The following RAB5IF variants were observed in gnomAD, a reference collection of about 807,000 sequenced individuals.
The protein encoded by RAB5IF is GEL complex subunit OPTI.
In RAB5IF, 15 loss-of-function variants were observed where a neutral mutation model predicts 20.3. The ratio of observed to expected loss-of-function variants is 0.74; its 90% CI spans 0.50 to 1.14. The LOEUF (loss-of-function observed/expected upper bound fraction) is 1.14, where lower values mean the gene tolerates loss of function less well. RAB5IF is among the 50% of genes most tolerant of loss of function. The probability of loss-of-function intolerance (pLI) is 0.00; values close to 1 mark genes in which losing one functional copy is unlikely to be tolerated. For synonymous variants in RAB5IF, 67 were observed against 63.7 expected, an observed-to-expected ratio of 1.05 and a Z score of -0.25; for missense variants, 148 against 159.5, an observed-to-expected ratio of 0.93 and a Z score of 0.39.
In RAB5IF at chr20:36,607,801, G is replaced by C. The variant is rs756533334; in HGVS notation, c.201G>C (p.Gly67=). The change falls in exon 2 of 4, where the codon GGG becomes GGC. Residue 67 remains glycine (G), a synonymous_variant. Coordinates refer to ENST00000344795, the MANE Select transcript of RAB5IF (RefSeq NM_018840.5). ...TTTGGGGAGTTTTGCCATTACGAGG[G>C]TTCTTGGGAATAGCAGGGTAAGTCT... is the stretch of plus-strand genomic sequence containing the variant. The part of the protein sequence containing the change: ...GVIWGVLPLR[G]FLGIAGFCLI... 11 of 1,613,882 alleles carry C rather than the reference G, an allele frequency of 6.8e-6. No homozygotes were observed. The highest frequency in any genetic ancestry group is 9.3e-6 in the Non-Finnish European group (11 of 1,179,860).
chr20:36,607,140 C>T (rs2038953227), intron 1 of RAB5IF, among the ~76,000 whole-genome samples: 1 of 152,136 alleles, frequency 6.6e-6, no homozygotes, highest in Non-Finnish European at 1.5e-5. Flanking sequence ...GTATGTGCGG[C>T]CAGTAGCACA....
At chr20:36,610,439 C>T (rs945972221) in intron 3 of RAB5IF, among the ~76,000 whole-genome samples, 1 of 152,174 alleles carries the variant, frequency 6.6e-6, no homozygotes, top group African/African-American at 2.4e-5. Context: ...CGGTCGCTCA[C>T]ACCTGTAATC....
In RAB5IF at chr20:36,612,348, T is replaced by G. The variant is rs1298977043; in HGVS notation, c.*297T>G. ...CAAGTGGAGCTGTCATTTAATTTGATGCACCTCTGGATTCAGATGAAACAT... is the reference window on the plus strand; with the variant it reads ...CAAGTGGAGCTGTCATTTAATTTGAGGCACCTCTGGATTCAGATGAAACAT... On this transcript the variant is annotated 3_prime_UTR_variant, in exon 4 of 4. Coordinates refer to ENST00000344795, the MANE Select transcript of RAB5IF (RefSeq NM_018840.5). The G allele has an allele frequency of 1.2e-6, 1 of 846,478 alleles. No individual in the cohort carries two copies. The highest frequency in any genetic ancestry group is 2.0e-6 in the Non-Finnish European group (1 of 510,386). 52.4% of individuals were successfully genotyped at this position (846,478 alleles called of 1,614,324 possible). A position where few individuals can be genotyped will look rare whatever the true frequency, so the allele number is the denominator to read the frequency against.
intron 2 of RAB5IF, among the ~76,000 whole-genome samples, chr20:36,609,239 A>ACACACACACACACACACACACACC: frequency 7.7e-6 from 1 of 130,700 alleles, no homozygotes; most frequent in African/African-American, 3.4e-5. Context: ...ACACACACAC[A>ACACACACACACACACACACACACC]CACACACACA....
chr20:36,609,156 T>TACATACATACATATACACAC, intron 2 of RAB5IF, among the ~76,000 whole-genome samples: 580 of 17,072 alleles, frequency 0.034, 193 homozygotes, highest in Middle Eastern at 0.042. Context: ...AGAACTATAT[T>TACATACATACATATACACAC]ACACACACAC....
intron 2 of RAB5IF, 54 bp downstream of exon 2, chr20:36,607,872 CTT>C: frequency 6.2e-7 from 1 of 1,605,370 alleles, no homozygotes; most frequent in Non-Finnish European, 8.5e-7. Context: ...TAAATAGAGG[CTT>C]TTTTTCCTGT....
In RAB5IF at chr20:36,606,023, C is replaced by T. The variant is rs540148409; in HGVS notation, c.72C>T (p.Val24=). 6.5e-7 allele frequency: 1 copy of T among 1,529,056 alleles called. No individual in the cohort carries two copies. Among genetic ancestry groups the T allele is most frequent in the South Asian group, 1.2e-5 (1 of 81,570 alleles). The allele number at this position is 1,529,056 out of a possible 1,614,324, so 94.7% of individuals were successfully genotyped here. Residue 24 remains valine (V), a synonymous_variant, in exon 1 of 4, where the codon GTC becomes GTT. Coordinates refer to ENST00000344795, the MANE Select transcript of RAB5IF (RefSeq NM_018840.5). ...QLANGALKVS[V]WSKVLRSDAA... ...CCAACGGGGCCCTCAAAGTCTCCGT[C>T]TGGAGTAAGGTGCTGCGGAGCGACG...
chr20:36,609,180 C>CAGAACTATATTACATACAT lies in RAB5IF; in HGVS notation c.219-420_219-419insGAACTATATTACATACATA, dbSNP rs1568595361. On this transcript the variant is annotated intron_variant, in intron 2 of 3. Transcript: ENST00000344795. ...TTACACACACACACACACACACACA[C>CAGAACTATATTACATACAT]ACACACACACACACGCACACACGCA... 4.2e-4 allele frequency among the ~76,000 whole-genome samples: 15 copies of CAGAACTATATTACATACAT among 35,396 alleles called. 1 individual carries two copies. The highest frequency in any genetic ancestry group is 8.9e-4 in the Admixed American group (3 of 3,366). The allele number at this position is 35,396 out of a possible 152,430, so 23.2% of individuals were successfully genotyped here. A position where few individuals can be genotyped will look rare whatever the true frequency, so the allele number is the denominator to read the frequency against.
chr20:36,608,040 C>G, intron 2 of RAB5IF: 1 of 1,273,924 alleles, frequency 7.8e-7, no homozygotes, highest in Non-Finnish European at 1.1e-6. Context: ...AAGGCTGGGC[C>G]AGTCCATTCA....
chr20:36,611,243 C>T (rs1355964236), intron 3 of RAB5IF, among the ~76,000 whole-genome samples: 7 of 151,946 alleles, frequency 4.6e-5, no homozygotes, highest in African/African-American at 7.3e-5. Context: ...TGCCTGCTTC[C>T]GCCTCCCAAA....
At chr20:36,608,385 C>T (rs1165256044) in intron 2 of RAB5IF, among the ~76,000 whole-genome samples, 1 of 152,002 alleles carries the variant, frequency 6.6e-6, no homozygotes, top group Non-Finnish European at 1.5e-5. Context: ...GCTGGAACTA[C>T]AGGTGTGAGC....
chr20:36,610,378 C>T (rs145299585), intron 3 of RAB5IF, among the ~76,000 whole-genome samples: 1 of 152,178 alleles, frequency 6.6e-6, no homozygotes, highest in African/African-American at 2.4e-5. Flanking sequence ...TACTATGTAT[C>T]CATACAGTAG....
chr20:36,608,100 T>C lies in RAB5IF; in HGVS notation c.218+282T>C. On this transcript the variant is annotated intron_variant, in intron 2 of 3. Transcript: ENST00000344795. ...GCAAGAGGCTATGACTACTTGTTCG[T>C]GGCATGCACTCTAGTTCTGCTGTGA... 4 of 556,244 alleles carry C rather than the reference T, an allele frequency of 7.2e-6. 1 individual carries two copies. The highest frequency in any genetic ancestry group is 7.0e-5 in the South Asian group (4 of 56,886). The allele number at this position is 556,244 out of a possible 1,614,324, so 34.5% of individuals were successfully genotyped here. A position where few individuals can be genotyped will look rare whatever the true frequency, so the allele number is the denominator to read the frequency against.
chr20:36,605,884 C>T lies in RAB5IF; in HGVS notation c.-68C>T, dbSNP rs2038919571. 1.1e-6 allele frequency: 1 copy of T among 949,360 alleles called. No individual in the cohort carries two copies. The highest frequency in any genetic ancestry group is 1.7e-5 in the African/African-American group (1 of 57,542). 58.8% of individuals were successfully genotyped at this position (949,360 alleles called of 1,614,324 possible). A position where few individuals can be genotyped will look rare whatever the true frequency, so the allele number is the denominator to read the frequency against. On this transcript the variant is annotated 5_prime_UTR_variant, in exon 1 of 4. Transcript: ENST00000344795. The stretch of plus-strand genomic sequence containing the variant: ...GCCGCCCCGCGCCGTGACCTGCGAC[C>T]CTAGACCCCGACTCCCTTTGGCTCA...
At position 36,612,231 on chromosome 20, in the gene RAB5IF, T is replaced by TA; in HGVS notation, c.*185dup. On this transcript the variant is annotated 3_prime_UTR_variant, in exon 4 of 4. Transcript: ENST00000344795. ...GCAAGGGTTGTGACCTGAAACTTTT[T>TA]AAAAACCACCCACCTTTGGGGAAGC... The TA allele has an allele frequency of 1.2e-6, 2 of 1,612,968 alleles. No individual in the cohort carries two copies. The highest frequency in any genetic ancestry group is 1.1e-5 in the South Asian group (1 of 91,072).
intron 2 of RAB5IF, chr20:36,608,027 C>T (rs2038976308): frequency 7.3e-7 from 1 of 1,373,896 alleles, no homozygotes; most frequent in Non-Finnish European, 9.8e-7. Flanking sequence ...TCCTGCCTTC[C>T]TGAAGGCTGG....
chr20:36,608,603 G>A (rs867103835), intron 2 of RAB5IF, among the ~76,000 whole-genome samples: 1 of 131,316 alleles, frequency 7.6e-6, no homozygotes, highest in African/African-American at 2.9e-5. Context: ...TTTCTCTGTC[G>A]CCCAGGCAGG....
chr20:36,607,316 C>T (rs1477171561), intron 1 of RAB5IF, among the ~76,000 whole-genome samples: 1 of 150,256 alleles, frequency 6.7e-6, no homozygotes, highest in African/African-American at 2.5e-5. Flanking sequence ...GCAACCTCCA[C>T]CTCCCAGGTT....
chr20:36,606,104 C>A, intron 1 of RAB5IF, 39 bp downstream of exon 1: 3 of 1,223,740 alleles, frequency 2.5e-6, no homozygotes, highest in South Asian at 3.3e-5. Flanking sequence ...TGCGAGGAGT[C>A]GGCTGGGACT....
Sources: gnomAD v4.1 joint callset for allele counts (sites outside exome capture counted in the v4.1 genomes callset) on GRCh38, gnomAD v4.1.1 for gene constraint, MANE v1.5 for transcripts, NCBI Gene and HGNC (gene_info 2026-07-23, HGNC 2026-07-21) for gene names.